SLC39A11: variants seen among roughly 807,000 people sequenced by gnomAD.
The protein encoded by SLC39A11 is solute carrier family 39 member 11, also known as zinc transporter ZIP11.
A neutral mutation model predicts 36.1 loss-of-function variants in SLC39A11; 33 were observed. That is an observed-to-expected ratio of 0.91 (90% CI 0.69 to 1.22). SLC39A11 has a LOEUF of 1.22. Ranked by LOEUF, SLC39A11 falls within the 50% of genes most tolerant of loss-of-function variation. The pLI is 0.00. For missense variants in SLC39A11, 432 were observed against 430.3 expected, an observed-to-expected ratio of 1.00 and a Z score of -0.03; for synonymous variants, 166 against 170.3, an observed-to-expected ratio of 0.97 and a Z score of 0.20.
intron 4 of SLC39A11, among the ~76,000 whole-genome samples, chr17:72,992,351 T>C (rs944174311): frequency 3.3e-5 from 5 of 152,166 alleles, no homozygotes; most frequent in Non-Finnish European, 7.3e-5. Context: ...TGAAACTTCA[T>C]CTCAAAAAAC....
At chr17:72,897,150 T>C (rs2082077981) in intron 5 of SLC39A11, among the ~76,000 whole-genome samples, 1 of 149,464 alleles carries the variant, frequency 6.7e-6, no homozygotes, top group African/African-American at 2.5e-5. Context: ...CCAGGAAGCA[T>C]GGAAACCAAT....
intron 7 of SLC39A11, among the ~76,000 whole-genome samples, chr17:72,696,455 A>G (rs1407506097): frequency 6.6e-6 from 1 of 152,164 alleles, no homozygotes; most frequent in African/African-American, 2.4e-5. Flanking sequence ...CAGGGAGGGT[A>G]AGTGACTCTT....
chr17:72,995,211 C>T (rs942328209), intron 4 of SLC39A11, among the ~76,000 whole-genome samples: 2 of 152,176 alleles, frequency 1.3e-5, no homozygotes, highest in African/African-American at 4.8e-5. Context: ...TGTGTTTCCC[C>T]ACCCCTTGAC....
At position 72,685,106 on chromosome 17, in the gene SLC39A11, T is replaced by C. The variant is rs1264408668; in HGVS notation, c.672-35838A>G. On this transcript the variant is annotated intron_variant, in intron 7 of 9. Coordinates refer to ENST00000255559, the MANE Select transcript of SLC39A11 (RefSeq NM_139177.4). ...TAGTTGGTAACAATTTATTAAGCAT[T>C]CCTACATGCCAAGGCCCAAATTGGG... 3.3e-5 allele frequency among the ~76,000 whole-genome samples: 5 copies of C among 152,154 alleles called. No homozygotes were observed. In the East Asian group the frequency reaches 9.6e-4, roughly 29 times the overall value.
At chr17:72,895,924 T>C (rs899846478) in intron 5 of SLC39A11, among the ~76,000 whole-genome samples, 1 of 152,142 alleles carries the variant, frequency 6.6e-6, no homozygotes, top group African/African-American at 2.4e-5. Context: ...TGGCCAATTT[T>C]GAAAGAATTA....
In SLC39A11 at chr17:72,900,201, GA is replaced by G. The variant is rs1567913006; in HGVS notation, c.430+47550del. On this transcript the variant is annotated intron_variant, in intron 5 of 9. Coordinates refer to ENST00000255559, the MANE Select transcript of SLC39A11 (RefSeq NM_139177.4). ...AGAAAGAAAGAAAGAAAGAAAGAAA[GA>G]AAGAAAGAAAGAAAGAAAGAAAGAA... Among the ~76,000 whole-genome samples the G allele has an allele frequency of 9.0e-5, 13 of 144,490 alleles. 3 individuals are homozygous for G. Among genetic ancestry groups the G allele is most frequent in the African/African-American group, 2.3e-4 (9 of 38,312 alleles). The allele number at this position is 144,490 out of a possible 152,430, so 94.8% of individuals were successfully genotyped here.
intron 5 of SLC39A11, among the ~76,000 whole-genome samples, chr17:72,873,070 G>GA (rs1401460217): frequency 5.3e-4 from 71 of 135,214 alleles, no homozygotes; most frequent in Admixed American, 1.6e-3. Context: ...AAAAAAAAAA[G>GA]AAAAAAAAAA....
At chr17:72,902,272 C>CA (rs1482086357) in intron 5 of SLC39A11, among the ~76,000 whole-genome samples, 11 of 143,478 alleles carry the variant, frequency 7.7e-5, no homozygotes, top group Admixed American at 1.4e-4. Flanking sequence ...GCTCTGTCTC[C>CA]AAAAAAAATA....
At chr17:73,037,547 C>T (rs1233095781) in intron 3 of SLC39A11, among the ~76,000 whole-genome samples, 2 of 152,214 alleles carry the variant, frequency 1.3e-5, no homozygotes, top group Admixed American at 6.5e-5. Context: ...TTCATAGCCC[C>T]GGATGGTAGA....
intron 4 of SLC39A11, among the ~76,000 whole-genome samples, chr17:72,956,760 T>C (rs1216371199): frequency 6.6e-6 from 1 of 152,204 alleles, no homozygotes; most frequent in African/African-American, 2.4e-5. Context: ...ACCTATGTTA[T>C]CCTTTTGGAG....
chr17:73,039,788 A>G (rs1256779705), intron 3 of SLC39A11, among the ~76,000 whole-genome samples: 1 of 152,220 alleles, frequency 6.6e-6, no homozygotes, highest in Admixed American at 6.5e-5. Context: ...CTTAGAGTCA[A>G]AGGGGACTTT....
chr17:72,887,170 T>C (rs1223791042), intron 5 of SLC39A11, among the ~76,000 whole-genome samples: 1 of 152,126 alleles, frequency 6.6e-6, no homozygotes, highest in Non-Finnish European at 1.5e-5. Flanking sequence ...GAGTTCAGGA[T>C]AGCACGAATC....
intron 3 of SLC39A11, among the ~76,000 whole-genome samples, chr17:73,071,147 C>T (rs562532586): frequency 2.0e-5 from 3 of 152,118 alleles, no homozygotes; most frequent in African/African-American, 7.2e-5. Context: ...TTCCCCAAAG[C>T]CAGAGAACTC....
intron 5 of SLC39A11, among the ~76,000 whole-genome samples, chr17:72,865,489 GA>G (rs2146289638): frequency 6.8e-6 from 1 of 147,474 alleles, no homozygotes; most frequent in East Asian, 2.1e-4. Context: ...ACATTGGCTA[GA>G]AAAACCCCAC....
chr17:73,063,069 T>A (rs906306462), intron 3 of SLC39A11, among the ~76,000 whole-genome samples: 2 of 152,102 alleles, frequency 1.3e-5, no homozygotes, highest in African/African-American at 4.8e-5. Context: ...TGAGGAGACA[T>A]CCCTGTCAAA....
chr17:73,024,330 A>G (rs2058457100), intron 4 of SLC39A11, among the ~76,000 whole-genome samples: 1 of 152,216 alleles, frequency 6.6e-6, no homozygotes, highest in Admixed American at 6.5e-5. Context: ...AACAGAGTAT[A>G]AGAAAGCACA....
chr17:72,873,871 T>C (rs187425016), intron 5 of SLC39A11, among the ~76,000 whole-genome samples: 3 of 152,310 alleles, frequency 2.0e-5, no homozygotes, highest in Admixed American at 2.0e-4. Flanking sequence ...AACTGAATCA[T>C]GGGGGCAGTT....
chr17:73,085,514 T>C (rs2060697778), intron 2 of SLC39A11, among the ~76,000 whole-genome samples: 1 of 151,814 alleles, frequency 6.6e-6, no homozygotes, highest in Admixed American at 6.6e-5. Context: ...AGCACGGTAA[T>C]GCATGCCTGT....
intron 6 of SLC39A11, among the ~76,000 whole-genome samples, chr17:72,779,375 A>T (rs1382878176): frequency 3.9e-5 from 6 of 152,184 alleles, no homozygotes; most frequent in African/African-American, 1.4e-4. Context: ...CAGTGAGCCG[A>T]GATTGGACCA....
Sources: gnomAD v4.1 joint callset for allele counts (sites outside exome capture counted in the v4.1 genomes callset) on GRCh38, gnomAD v4.1.1 for gene constraint, MANE v1.5 for transcripts, NCBI Gene and HGNC (gene_info 2026-07-23, HGNC 2026-07-21) for gene names.